CSMD1: variants seen among roughly 807,000 people sequenced by gnomAD.
CSMD1 encodes the protein CUB and sushi domain-containing protein 1.
CSMD1 carries 213 observed loss-of-function variants against 417.5 expected under a neutral mutation model. The ratio of observed to expected loss-of-function variants is 0.51; its 90% CI spans 0.46 to 0.57. The LOEUF (loss-of-function observed/expected upper bound fraction) is 0.57, where lower values mean the gene tolerates loss of function less well. Ranked by LOEUF, CSMD1 falls within the 20% of genes least tolerant of loss-of-function variation. The pLI is 0.00. For missense variants in CSMD1, 6,923 were observed against 4,529.7 expected, an observed-to-expected ratio of 1.53 and a Z score of -15.17; for synonymous variants, 2,862 against 1,736.8, an observed-to-expected ratio of 1.65 and a Z score of -16.11.
chr8:4,672,378 G>C (rs765217474), intron 1 of CSMD1, among the ~76,000 whole-genome samples: 1 of 152,162 alleles, frequency 6.6e-6, no homozygotes, highest in Non-Finnish European at 1.5e-5. Flanking sequence ...AAGAGACTTA[G>C]AGCCTGTTCA....
intron 2 of CSMD1, among the ~76,000 whole-genome samples, chr8:4,615,580 A>AT (rs1563336717): frequency 6.6e-6 from 1 of 152,216 alleles, no homozygotes; most frequent in Non-Finnish European, 1.5e-5. Context: ...CTATGAGGAT[A>AT]AACACTTCAT....
At chr8:4,694,556 G>C (rs1806993550) in intron 1 of CSMD1, among the ~76,000 whole-genome samples, 1 of 151,618 alleles carries the variant, frequency 6.6e-6, no homozygotes, top group Non-Finnish European at 1.5e-5. Context: ...GTAGAGACGG[G>C]GTTTCACCAT....
intron 3 of CSMD1, among the ~76,000 whole-genome samples, chr8:4,115,465 T>C (rs1442650982): frequency 6.6e-6 from 1 of 152,246 alleles, no homozygotes; most frequent in African/African-American, 2.4e-5. Context: ...TGTGTTTTTA[T>C]ATATAATGCT....
intron 12 of CSMD1, among the ~76,000 whole-genome samples, chr8:3,458,612 A>G (rs1816303340): frequency 6.6e-6 from 1 of 152,228 alleles, no homozygotes; most frequent in South Asian, 2.1e-4. Flanking sequence ...GTCTTGCGTT[A>G]AGACAACGGA....
intron 3 of CSMD1, among the ~76,000 whole-genome samples, chr8:4,294,899 A>T (rs936666034): frequency 6.6e-6 from 1 of 151,776 alleles, no homozygotes; most frequent in African/African-American, 2.4e-5. Flanking sequence ...ATGTGTATGG[A>T]ACGAAAGCCT....
intron 3 of CSMD1, among the ~76,000 whole-genome samples, chr8:4,273,189 G>T (rs535992252): frequency 2.8e-4 from 42 of 152,198 alleles, no homozygotes; most frequent in African/African-American, 9.6e-4. Context: ...TAACTCATTT[G>T]TAAGAAGAAT....
chr8:4,410,383 C>T (rs192395637), intron 3 of CSMD1, among the ~76,000 whole-genome samples: 1 of 152,260 alleles, frequency 6.6e-6, no homozygotes, highest in African/African-American at 2.4e-5. Context: ...AATTCATGTG[C>T]TTATCCACAT....
Position 3,051,583 on chromosome 8 carries a change from C to T in CSMD1, c.7660+879G>A, listed in dbSNP as rs556744290. ...TATATAACAAACTTGCACATGTATC[C>T]CTGAACCTAAAATAAAGTTTTTTTT... On this transcript the variant is annotated intron_variant, in intron 50 of 69. Transcript: ENST00000635120. Among the ~76,000 whole-genome samples, 222 of 152,132 alleles carry T rather than the reference C, an allele frequency of 1.5e-3. 1 individual carries two copies. The highest frequency in any genetic ancestry group is 2.7e-3 in the Non-Finnish European group (182 of 68,004).
chr8:3,511,683 G>C (rs970951180), intron 10 of CSMD1, among the ~76,000 whole-genome samples: 3 of 149,264 alleles, frequency 2.0e-5, no homozygotes, highest in Non-Finnish European at 4.4e-5. Flanking sequence ...CCTTGAACTG[G>C]GGCGGTGGAG....
intron 2 of CSMD1, among the ~76,000 whole-genome samples, chr8:4,604,439 G>A (rs1310016634): frequency 6.7e-6 from 1 of 148,540 alleles, no homozygotes; most frequent in Non-Finnish European, 1.5e-5. Flanking sequence ...GGATCTCCAG[G>A]AAGGAAGGAT....
Position 2,997,999 on chromosome 8 carries a change from T to C in CSMD1, c.8377+12A>G. On this transcript the variant is annotated intron_variant, in intron 54 of 69. Coordinates refer to ENST00000635120, the MANE Select transcript of CSMD1 (RefSeq NM_033225.6). ...TCAGAGCAAAGGGCTCATTCCTGGA[T>C]GCTGTTCCTACCTCGACACGTGGGC... 1 of 1,611,682 alleles carries C rather than the reference T, an allele frequency of 6.2e-7. No individual in the cohort carries two copies. The highest frequency in any genetic ancestry group is 1.1e-5 in the South Asian group (1 of 90,724).
chr8:3,893,339 T>TTATATATATATA lies in CSMD1; in HGVS notation c.818+104552_818+104563dup, dbSNP rs56848640. Among the ~76,000 whole-genome samples, 183 of 80,458 alleles carry TTATATATATATA rather than the reference T, an allele frequency of 2.3e-3. 12 individuals carry two copies. Among genetic ancestry groups the TTATATATATATA allele is most frequent in the South Asian group, 5.4e-3 (10 of 1,836 alleles). The allele number at this position is 80,458 out of a possible 152,430, so 52.8% of individuals were successfully genotyped here. On this transcript the variant is annotated intron_variant, in intron 5 of 69. Transcript: ENST00000635120. ...TCCCAAACTAATAATATTCACAATT[T>TTATATATATATA]TATATATATATATATATATATATTA...
intron 2 of CSMD1, among the ~76,000 whole-genome samples, chr8:4,467,894 G>C (rs901359404): frequency 6.6e-6 from 1 of 152,170 alleles, no homozygotes; most frequent in Admixed American, 6.5e-5. Context: ...CTAGTGGGTT[G>C]AACACTGGTT....
At chr8:3,359,429 A>AG in intron 20 of CSMD1, 89 bp from the exon 21 acceptor site, 1 of 744,600 alleles carries the variant, frequency 1.3e-6, no homozygotes, top group Non-Finnish European at 2.0e-6. Flanking sequence ...CTATTACTAA[A>AG]AAAAAAAAAA....
chr8:3,424,698 T>C (rs1813711213), intron 12 of CSMD1, among the ~76,000 whole-genome samples: 1 of 152,238 alleles, frequency 6.6e-6, no homozygotes, highest in Admixed American at 6.5e-5. Flanking sequence ...CTTTGCCATT[T>C]CTATCAGGAA....
chr8:4,613,923 G>A (rs1801328626), intron 2 of CSMD1, among the ~76,000 whole-genome samples: 1 of 150,764 alleles, frequency 6.6e-6, no homozygotes, highest in Non-Finnish European at 1.5e-5. Flanking sequence ...AAATTTAGTA[G>A]AGATAGAGAA....
intron 7 of CSMD1, among the ~76,000 whole-genome samples, chr8:3,707,711 G>C (rs187202814): frequency 6.6e-6 from 1 of 152,198 alleles, no homozygotes; most frequent in African/African-American, 2.4e-5. Context: ...TCTCCAAGGA[G>C]CACATAGGCT....
rs934780098 is a variant in CSMD1 at position 3,159,949 on chromosome 8, T to C, written c.5845-1983A>G. Among the ~76,000 whole-genome samples the C allele has an allele frequency of 2.2e-4, 34 of 152,216 alleles. 1 individual carries two copies. Among genetic ancestry groups the C allele is most frequent in the South Asian group, 1.0e-3 (5 of 4,824 alleles). ...CAGGTAGAAAGAAGAGGAACATCGA[T>C]GAGCAAGAGCAAATATTACAGTTTG... is the stretch of plus-strand genomic sequence containing the variant. On this transcript the variant is annotated intron_variant, in intron 38 of 69. Transcript: ENST00000635120.
At chr8:4,187,098 A>G (rs563812579) in intron 3 of CSMD1, among the ~76,000 whole-genome samples, 2 of 152,238 alleles carry the variant, frequency 1.3e-5, no homozygotes, top group East Asian at 1.9e-4. Context: ...AGGTCCCTTA[A>G]AATTCTGAAG....
Sources: allele counts gnomAD v4.1 joint callset (sites outside exome capture counted in the v4.1 genomes callset), GRCh38; gene constraint gnomAD v4.1.1; transcripts MANE v1.5; gene names NCBI Gene and HGNC (gene_info 2026-07-23, HGNC 2026-07-21).